Variants in SLC24A1 observed in about 807,000 individuals in gnomAD.
SLC24A1 encodes sodium/potassium/calcium exchanger 1.
Under a neutral mutation model 88.1 loss-of-function variants are expected in SLC24A1, and 52 were observed. The ratio of observed to expected loss-of-function variants is 0.59; its 90% CI spans 0.47 to 0.74. SLC24A1 has a LOEUF of 0.74. SLC24A1 is among the 30% of genes least tolerant of loss of function. SLC24A1 has a pLI of 0.00. For missense variants in SLC24A1, 1,173 were observed against 1,363.3 expected (o/e 0.86, Z 2.20); for synonymous variants, 455 against 498.0 (o/e 0.91, Z 1.15).
chr15:65,620,260 T>C (rs1020931685), upstream of SLC24A1, among the ~76,000 whole-genome samples: 4 of 152,032 alleles, frequency 2.6e-5, no homozygotes, highest in African/African-American at 9.7e-5. Flanking sequence ...AATCAGGTGA[T>C]TGCACAAATA....
At chr15:65,636,866 TA>T (rs146823088) in intron 2 of SLC24A1, among the ~76,000 whole-genome samples, 1 of 143,742 alleles carries the variant, frequency 7.0e-6, no homozygotes, top group East Asian at 2.1e-4. Context: ...CTCAAAATAA[TA>T]ATAATAATAA....
At position 65,651,650 on chromosome 15, in the gene SLC24A1, C is replaced by T. The variant is rs374618081; in HGVS notation, c.2794-20C>T. On this transcript the variant is annotated intron_variant, in intron 7 of 9. Transcript: ENST00000261892. ...TAACCTCTACAGCTTACTTCTTGTC[C>T]TTTTCAAACTTTCAAACAGGAGTCT... is the stretch of plus-strand genomic sequence containing the variant. 3.9e-5 allele frequency: 53 copies of T among 1,375,772 alleles called. No homozygotes were observed. The African/African-American group carries it at 6.3e-4, about 16-fold the overall frequency. The allele number at this position is 1,375,772 out of a possible 1,614,324, so 85.2% of individuals were successfully genotyped here. A position where few individuals can be genotyped will look rare whatever the true frequency, so the allele number is the denominator to read the frequency against.
rs762198301 is a variant in SLC24A1, at chr15:65,644,548, G to GC, written c.2140+41dup. 24 of 1,430,624 alleles carry GC rather than the reference G, an allele frequency of 1.7e-5. No homozygotes were observed. In the East Asian group the frequency reaches 4.9e-4, roughly 29 times the overall value. 88.6% of individuals were successfully genotyped at this position (1,430,624 alleles called of 1,614,324 possible). A position where few individuals can be genotyped will look rare whatever the true frequency, so the allele number is the denominator to read the frequency against. ...TGGCCAGACCAGTGGGTTTTCTCCT[G>GC]CCCCCCTCTCCCTGCTGTCAGTAGT... On this transcript the variant is annotated intron_variant, in intron 5 of 9. Transcript: ENST00000261892.
At position 65,638,128 on chromosome 15, in the gene SLC24A1, C is replaced by G; in HGVS notation, c.1891C>G (p.Pro631Ala). The G allele has an allele frequency of 6.2e-7, 1 of 1,608,062 alleles. No individual in the cohort carries two copies. Among genetic ancestry groups the G allele is most frequent in the Non-Finnish European group, 8.5e-7 (1 of 1,176,710 alleles). ...KVMALEDLSK[P>A]GDGAIAVDEL... ...TCGTGACTCCTCTCCCTGTTTGCAG[C>G]CGGGCGATGGGGCCATTGCGGTGGA... is the stretch of plus-strand genomic sequence containing the variant. The change falls in exon 3 of 10, where the codon CCG becomes GCG. Residue 631 changes from proline (P) to alanine (A), a missense_variant and splice_region_variant. Physicochemically the swap from Pro to Ala is conservative, Grantham distance 27. Transcript: ENST00000261892.
Position 65,624,781 on chromosome 15 carries a change from C to A in SLC24A1, c.701C>A (p.Thr234Asn). Residue 234 changes from threonine to asparagine, a missense_variant, in exon 2 of 10, where the codon ACC becomes AAC. Coordinates refer to ENST00000261892, the MANE Select transcript of SLC24A1 (RefSeq NM_004727.3). ...ACAGCAACCTATAAAATACTCGAAA[C>A]CAACTCTCTTAAGAGAATAATGGAG... ...DITATYKILE[T>N]NSLKRIMEET... 3 of 1,613,968 alleles carry A rather than the reference C, an allele frequency of 1.9e-6. No homozygotes were observed. Among genetic ancestry groups the A allele is most frequent in the Non-Finnish European group, 2.5e-6 (3 of 1,179,858 alleles).
chr15:65,639,611 C>T lies in SLC24A1; in HGVS notation c.1961C>T (p.Thr654Ile). 1 of 1,610,078 alleles carries T rather than the reference C, an allele frequency of 6.2e-7. No homozygotes were observed. Residue 654 changes from threonine to isoleucine, a missense_variant, in exon 4 of 10, where the codon ACC becomes ATC. Transcript: ENST00000261892. ...CTTGCTCAGCTCCCGTCCTTGCTGACCCGAGGGAGCAGCTCGACCTCTCTG... is the reference window on the plus strand; with the variant it reads ...CTTGCTCAGCTCCCGTCCTTGCTGATCCGAGGGAGCAGCTCGACCTCTCTG... Reference protein sequence around the residue: ...NKKLKLPSLLTRGSSSTSLHN... With the variant: ...NKKLKLPSLLIRGSSSTSLHN...
intron 1 of SLC24A1, chr15:65,612,112 C>T (rs926949791): frequency 3.9e-5 from 6 of 152,326 alleles, no homozygotes; most frequent in African/African-American, 1.4e-4. Context: ...ACTCTGGCCA[C>T]CTGGTGTCTC....
intron 3 of SLC24A1, among the ~76,000 whole-genome samples, chr15:65,639,225 G>T (rs1288663842): frequency 6.6e-6 from 1 of 152,220 alleles, no homozygotes; most frequent in African/African-American, 2.4e-5. Context: ...GACTGTAAAG[G>T]GCTGTAGCCA....
rs769943891 is a variant in SLC24A1 at position 65,625,226 on chromosome 15, G to A, written c.1146G>A (p.Thr382=). 12 of 1,613,710 alleles carry A rather than the reference G, an allele frequency of 7.4e-6. No individual in the cohort carries two copies. In the East Asian group the frequency reaches 1.3e-4, roughly 18 times the overall value. Residue 382 remains threonine (T), a synonymous_variant, in exon 2 of 10, where the codon ACG becomes ACA. Transcript: ENST00000261892. ...STAPSTSTTP[T]VRAKLTMQVH... is the part of the protein sequence containing the mutation. ...CACCCAGCACCTCAACAACCCCTAC[G>A]GTCAGGGCAAAGCTGACCATGCAGG...
chr15:65,650,770 A>G lies in SLC24A1; in HGVS notation c.2621A>G (p.Glu874Gly). The G allele has an allele frequency of 6.2e-7, 1 of 1,610,622 alleles. No individual in the cohort carries two copies. Among genetic ancestry groups the G allele is most frequent in the Non-Finnish European group, 8.5e-7 (1 of 1,178,368 alleles). ...EEEEEQEEEEEEEEQEEEEEE... is the reference protein window; with the variant it reads ...EEEEEQEEEEGEEEQEEEEEE... ...GAGGAAGAGCAGGAGGAAGAGGAGG[A>G]GGAGGAAGAGCAGGAGGAAGAGGAG... Residue 874 changes from glutamate to glycine, a missense_variant, in exon 7 of 10, where the codon GAG becomes GGG. Transcript: ENST00000261892. This position sits in a 1 kb window ranked among gnomAD's most constrained non-coding sequence, Gnocchi z 4.1.
intron 4 of SLC24A1, among the ~76,000 whole-genome samples, chr15:65,643,425 C>A (rs138707058): frequency 6.6e-6 from 1 of 152,112 alleles, no homozygotes; most frequent in Non-Finnish European, 1.5e-5. Context: ...GGCTTAGTGC[C>A]GGCACACAGG....
intron 4 of SLC24A1, among the ~76,000 whole-genome samples, chr15:65,642,499 C>T (rs999378493): frequency 2.6e-5 from 4 of 152,170 alleles, no homozygotes; most frequent in Non-Finnish European, 5.9e-5. Flanking sequence ...GTGTTTATGG[C>T]TAGCCCTTCC....
chr15:65,654,163 G>A lies in SLC24A1; in HGVS notation c.*84G>A, dbSNP rs1036190458. The A allele has an allele frequency of 1.3e-5, 20 of 1,535,108 alleles. No homozygotes were observed. The highest frequency in any genetic ancestry group is 1.7e-4 in the Middle Eastern group (1 of 5,726). ...TCTCTTGTGACCCTAATGAAAGAAT[G>A]TATATGATCCTGGAAAGTGAACTGG... On this transcript the variant is annotated 3_prime_UTR_variant, in exon 10 of 10. Coordinates refer to ENST00000261892, the MANE Select transcript of SLC24A1 (RefSeq NM_004727.3).
chr15:65,657,568 C>CG (rs1182053356), downstream of SLC24A1, among the ~76,000 whole-genome samples: 4 of 152,140 alleles, frequency 2.6e-5, no homozygotes, highest in East Asian at 1.9e-4. Flanking sequence ...GCGTGAACCC[C>CG]GGGGGGCGGA....
chr15:65,642,991 G>A (rs1373758771), intron 4 of SLC24A1: 12 of 1,289,016 alleles, frequency 9.3e-6, no homozygotes, highest in Admixed American at 2.3e-5. Flanking sequence ...CATCATCACT[G>A]TGGGGTGCTT....
chr15:65,614,016 C>T (rs924114932), intron 2 of SLC24A1, among the ~76,000 whole-genome samples: 8 of 152,142 alleles, frequency 5.3e-5, no homozygotes, highest in African/African-American at 1.7e-4. Context: ...TCATCATTAC[C>T]TCCTCCCTAT....
downstream of SLC24A1, among the ~76,000 whole-genome samples, chr15:65,658,953 C>G (rs1007446823): frequency 6.6e-6 from 1 of 151,836 alleles, no homozygotes; most frequent in East Asian, 1.9e-4. Context: ...TAGAGCAAAA[C>G]AGAAATCCAA....
At chr15:65,647,939 G>A (rs2075360623) in intron 6 of SLC24A1, among the ~76,000 whole-genome samples, 1 of 152,306 alleles carries the variant, frequency 6.6e-6, no homozygotes, top group African/African-American at 2.4e-5. Flanking sequence ...AGAATATCTG[G>A]GGTGGGTCCT....
chr15:65,620,080 T>G (rs1440956331), upstream of SLC24A1, among the ~76,000 whole-genome samples: 1 of 149,764 alleles, frequency 6.7e-6, no homozygotes, highest in Non-Finnish European at 1.5e-5. Flanking sequence ...AAAATGTATT[T>G]AATAAATAAC....
Sources: gnomAD v4.1 joint callset for allele counts (sites outside exome capture counted in the v4.1 genomes callset) on GRCh38, gnomAD v4.1.1 for gene constraint, Gnocchi (gnomAD v3.1) non-coding constraint, MANE v1.5 for transcripts, NCBI Gene and HGNC (gene_info 2026-07-23, HGNC 2026-07-21) for gene names.